Variants in ARAP1 observed in about 807,000 individuals in gnomAD.
ARAP1 encodes arf-GAP with Rho-GAP domain, ANK repeat and PH domain-containing protein 1.
ARAP1 carries 76 observed loss-of-function variants against 172.2 expected under a neutral mutation model. The ratio of observed to expected loss-of-function variants is 0.44; its 90% CI spans 0.37 to 0.53. The LOEUF (loss-of-function observed/expected upper bound fraction) is 0.53. ARAP1 is among the 20% of genes least tolerant of loss of function. The pLI, the probability that ARAP1 is intolerant of heterozygous loss-of-function variation, is 0.00. For missense variants in ARAP1, 1,686 were observed against 1,977.5 expected (o/e 0.85, Z 2.80); for synonymous variants, 804 against 803.3 (o/e 1.00, Z -0.01).
At chr11:72,694,287 A>G (rs1382214984) in intron 27 of ARAP1, among the ~76,000 whole-genome samples, 1 of 151,760 alleles carries the variant, frequency 6.6e-6, no homozygotes, top group Non-Finnish European at 1.5e-5. Context: ...GCGAGTAGCA[A>G]TCTTCTTAAA....
In ARAP1 at chr11:72,726,789, C is replaced by G; in HGVS notation, c.340G>C (p.Ala114Pro). The change falls in exon 3 of 35, where the codon GCC (alanine) becomes CCC (proline). Residue 114 changes from alanine (A) to proline (P), a missense_variant. Around this residue, in one of 5 missense-constraint regions of ARAP1, gnomAD observed 190 missense variants for 228.6 expected, o/e 0.83. Transcript: ENST00000393609. The surrounding 1 kb of genome is among the most constrained non-coding windows in gnomAD (Gnocchi z 6.5). ...CTCCTCCGGGGCGGGATGGGTGGGG[C>G]AGCGGGGAGCCCCTCATCCTCTGTA... Reference protein sequence around the residue: ...TTTEDEGLPAAPPIPPRRSCL... With the variant: ...TTTEDEGLPAPPPIPPRRSCL... The G allele has an allele frequency of 6.4e-7, 1 of 1,551,018 alleles. No individual in the cohort carries two copies. Among genetic ancestry groups the G allele is most frequent in the Non-Finnish European group, 8.7e-7 (1 of 1,147,414 alleles).
At chr11:72,744,670 G>C (rs1858300025) in intron 1 of ARAP1, among the ~76,000 whole-genome samples, 2 of 152,214 alleles carry the variant, frequency 1.3e-5, no homozygotes. Context: ...CCAGCAGCCT[G>C]TTCCTTGGAA....
In ARAP1 at chr11:72,697,641, C is replaced by T; in HGVS notation, c.2746G>A (p.Gly916Arg). The T allele has an allele frequency of 6.2e-7, 1 of 1,614,132 alleles. No homozygotes were observed. Among genetic ancestry groups the T allele is most frequent in the Non-Finnish European group, 8.5e-7 (1 of 1,179,988 alleles). The change falls in exon 20 of 35, where the codon GGG becomes AGG. Residue 916 changes from glycine (G) to arginine (R), a missense_variant. Gly to Arg is a moderately radical substitution (Grantham distance 125, BLOSUM62 -2). Coordinates refer to ENST00000393609, the MANE Select transcript of ARAP1 (RefSeq NM_001040118.3). ...ACCAGCACCTGGTTCTCACTGTCCC[C>T]CTGGATGGCTGTGGAGGGGTTAGTC... ...LRKLQELSIQGDSENQVLVLV... is the reference protein window; with the variant it reads ...LRKLQELSIQRDSENQVLVLV...
rs139758455 is a variant in ARAP1, at chr11:72,697,939, C to T, written c.2709G>A (p.Pro903=). The stretch of plus-strand genomic sequence containing the variant: ...GCTCCTGCAGTTTCCGTAGTTGCAG[C>T]GGCTCTTCGCAGGGCCCCTCCGGGA... The part of the protein sequence containing the change: ...AVFPEGPCEE[P]LQLRKLQELS... The change falls in exon 19 of 35, where the codon CCG becomes CCA. Residue 903 remains proline, a synonymous_variant. Transcript: ENST00000393609. The T allele has an allele frequency of 1.4e-5, 23 of 1,607,018 alleles. No homozygotes were observed. In the African/African-American group the frequency reaches 2.0e-4, roughly 14 times the overall value.
In ARAP1 at chr11:72,701,630, A is replaced by T. The variant is rs11235574; in HGVS notation, c.2302+19T>A. The T allele has an allele frequency of 6.2e-7, 1 of 1,608,420 alleles. No individual in the cohort carries two copies. The highest frequency in any genetic ancestry group is 8.5e-7 in the Non-Finnish European group (1 of 1,177,830). ...GACCAGATGCCATGGGCTAAAGCAG[A>T]GTCTGGGGTGGCACCCACCTTCCCG... is the stretch of plus-strand genomic sequence containing the variant. On this transcript the variant is annotated intron_variant, in intron 16 of 34. Transcript: ENST00000393609.
Position 72,693,516 on chromosome 11 carries a change from C to A in ARAP1, c.3809-46G>T, listed in dbSNP as rs1443715111. On this transcript the variant is annotated intron_variant, in intron 28 of 34. Transcript: ENST00000393609. The surrounding 1 kb of genome is among the most constrained non-coding windows in gnomAD (Gnocchi z 4.6). ...GGGCACAGGCTGCACCAACCCCTAC[C>A]CGGGGCTGGGTCCCAGGATGAAGGA... 1 of 1,587,740 alleles carries A rather than the reference C, an allele frequency of 6.3e-7. No individual in the cohort carries two copies. Among genetic ancestry groups the A allele is most frequent in the Non-Finnish European group, 8.6e-7 (1 of 1,163,578 alleles).
chr11:72,696,003 G>T, intron 23 of ARAP1, 138 bp from the exon 24 acceptor site: 2 of 1,125,312 alleles, frequency 1.8e-6, no homozygotes, highest in Non-Finnish European at 2.4e-6. Flanking sequence ...AGTTTTTCTG[G>T]CCATATCTTG....
At position 72,705,851 on chromosome 11, in the gene ARAP1, C is replaced by T; in HGVS notation, c.1763G>A (p.Arg588Gln). 7 of 1,614,130 alleles carry T rather than the reference C, an allele frequency of 4.3e-6. No homozygotes were observed. Among genetic ancestry groups the T allele is most frequent in the Non-Finnish European group, 5.9e-6 (7 of 1,179,986 alleles). The change falls in exon 13 of 35, where the codon CGG becomes CAG. Residue 588 changes from arginine to glutamine, a missense_variant. Physicochemically the swap from Arg to Gln is conservative, Grantham distance 43 (BLOSUM62 1). Coordinates refer to ENST00000393609, the MANE Select transcript of ARAP1 (RefSeq NM_001040118.3). ...CACCTTCCTGTCCATCTTCAGGCTCCGCACCTTGGAGACGCCAGCGCCCAG... is the reference window on the plus strand; with the variant it reads ...CACCTTCCTGTCCATCTTCAGGCTCTGCACCTTGGAGACGCCAGCGCCCAG... ...RGLGAGVSKVRSLKMDRKVWT... is the reference protein window; with the variant it reads ...RGLGAGVSKVQSLKMDRKVWT...
chr11:72,704,128 G>A lies in ARAP1; in HGVS notation c.1992+24C>T, dbSNP rs368410494. 6.2e-6 allele frequency: 10 copies of A among 1,613,668 alleles called. No individual in the cohort carries two copies. The East Asian group carries it at 6.7e-5, about 11-fold the overall frequency. ...AGAAAGACGGGGGTGGTCCCAAGGGGCCCCAGAGCTGCAGTGCCCTGACCT... is the reference window on the plus strand; with the variant it reads ...AGAAAGACGGGGGTGGTCCCAAGGGACCCCAGAGCTGCAGTGCCCTGACCT... On this transcript the variant is annotated intron_variant, in intron 14 of 34. Coordinates refer to ENST00000393609, the MANE Select transcript of ARAP1 (RefSeq NM_001040118.3).
At position 72,711,118 on chromosome 11, in the gene ARAP1, G is replaced by A; in HGVS notation, c.1116C>T (p.Ile372=). ...CCACGTGGGAGATGCAGGCCACAGA[G>A]ATAAAGCGCTTAGAGTAAGCGTCCT... ...SNKDAYSKRF[I]SVACISHVAA... The change falls in exon 9 of 35, where the codon ATC becomes ATT. Residue 372 remains isoleucine (I), a synonymous_variant. Coordinates refer to ENST00000393609, the MANE Select transcript of ARAP1 (RefSeq NM_001040118.3). 1 of 1,614,204 alleles carries A rather than the reference G, an allele frequency of 6.2e-7. No homozygotes were observed. The highest frequency in any genetic ancestry group is 8.5e-7 in the Non-Finnish European group (1 of 1,180,034).
intron 31 of ARAP1, 143 bp from the exon 32 acceptor site, chr11:72,687,881 C>T (rs960310413): frequency 3.6e-5 from 34 of 945,128 alleles, no homozygotes; most frequent in Admixed American, 1.9e-4. Context: ...ACATCCTGGC[C>T]TCTTCCTGTC....
At chr11:72,733,438 G>A (rs1295552932) in intron 1 of ARAP1, among the ~76,000 whole-genome samples, 1 of 152,184 alleles carries the variant, frequency 6.6e-6, no homozygotes, top group Non-Finnish European at 1.5e-5. Flanking sequence ...TGAGTCAGGG[G>A]CATGAGACCC....
chr11:72,713,087 C>T, intron 5 of ARAP1, 89 bp downstream of exon 5: 1 of 1,377,598 alleles, frequency 7.3e-7, no homozygotes, highest in East Asian at 2.3e-5. Context: ...TGGCTGCCCA[C>T]TCTCTGTCTG....
chr11:72,705,810 T>C lies in ARAP1; in HGVS notation c.1804A>G (p.Ile602Val). The C allele has an allele frequency of 1.2e-6, 2 of 1,614,068 alleles. No individual in the cohort carries two copies. Among genetic ancestry groups the C allele is most frequent in the Non-Finnish European group, 8.5e-7 (1 of 1,179,958 alleles). ...GCAAGCAGGGGCATCCCCACCTCGA[T>C]AAGTGTTTCTGTCCACACCTTCCTG... ...MDRKVWTETL[I>V]ELFLQLGNGA... The change falls in exon 13 of 35, where the codon ATC becomes GTC. Residue 602 changes from isoleucine (I) to valine (V), a missense_variant. Around this residue, in one of 5 missense-constraint regions of ARAP1, gnomAD observed 688 missense variants for 856.9 expected, o/e 0.80. Coordinates refer to ENST00000393609, the MANE Select transcript of ARAP1 (RefSeq NM_001040118.3).
intron 3 of ARAP1, among the ~76,000 whole-genome samples, chr11:72,716,389 G>C (rs1166860398): frequency 3.3e-5 from 5 of 152,236 alleles, no homozygotes; most frequent in Non-Finnish European, 7.3e-5. Flanking sequence ...GTGAAGAGCT[G>C]GCCTTCGGCT....
chr11:72,751,189 T>G (rs1404657506), intron 1 of ARAP1, among the ~76,000 whole-genome samples: 3 of 151,882 alleles, frequency 2.0e-5, no homozygotes, highest in Non-Finnish European at 4.4e-5. Flanking sequence ...GGAGGCAAGG[T>G]CCCCAGGCCC....
intron 5 of ARAP1, 122 bp downstream of exon 5, chr11:72,713,054 G>A (rs1857103920): frequency 9.6e-7 from 1 of 1,037,852 alleles, no homozygotes; most frequent in East Asian, 2.4e-5. Flanking sequence ...GTGAGGTGGG[G>A]GAAGGGGAAG....
chr11:72,690,903 A>G (rs1855907671), intron 30 of ARAP1, among the ~76,000 whole-genome samples: 1 of 152,210 alleles, frequency 6.6e-6, no homozygotes, highest in African/African-American at 2.4e-5. Flanking sequence ...GATTGTCCCA[A>G]TTTCAAATAT....
intron 1 of ARAP1, among the ~76,000 whole-genome samples, chr11:72,734,885 T>A (rs1326850846): frequency 6.6e-6 from 1 of 152,024 alleles, no homozygotes; most frequent in Non-Finnish European, 1.5e-5. Context: ...TAATTTTCCC[T>A]ATTGTTTACA....
Sources: allele counts gnomAD v4.1 joint callset (sites outside exome capture counted in the v4.1 genomes callset), GRCh38; gene constraint gnomAD v4.1.1; regional missense constraint gnomAD v4.1.1; non-coding constraint Gnocchi (gnomAD v3.1); transcripts MANE v1.5; gene names NCBI Gene and HGNC (gene_info 2026-07-23, HGNC 2026-07-21).